TJP3: variants seen among roughly 807,000 people sequenced by gnomAD.
The protein encoded by TJP3 is tight junction protein ZO-3.
In TJP3, 85 loss-of-function variants were observed where a neutral mutation model predicts 104.2. The observed-to-expected ratio is 0.82, with a 90% confidence interval of 0.68 to 0.98. The LOEUF (loss-of-function observed/expected upper bound fraction) is 0.98, where lower values mean the gene tolerates loss of function less well. TJP3 is among the 50% of genes least tolerant of loss of function. The pLI is 0.00. For missense variants in TJP3, 1,367 were observed against 1,322.8 expected (o/e 1.03, Z -0.52); for synonymous variants, 550 against 550.6 (o/e 1.00, Z 0.02).
chr19:3,724,139 C>T (rs1477828612), intron 1 of TJP3, among the ~76,000 whole-genome samples: 1 of 152,052 alleles, frequency 6.6e-6, no homozygotes, highest in African/African-American at 2.4e-5. Flanking sequence ...GCCTGGACCA[C>T]CTGGACTCCC....
chr19:3,750,284 C>A (rs2036974889), intron 20 of TJP3, 100 bp downstream of exon 20: 2 of 1,517,614 alleles, frequency 1.3e-6, no homozygotes, highest in Non-Finnish European at 1.8e-6. Flanking sequence ...TCATGGTGCC[C>A]CTAGCCTAGT....
chr19:3,750,165 T>G lies in TJP3; in HGVS notation c.2638T>G (p.Trp880Gly), dbSNP rs1028719013. 10 of 1,613,684 alleles carry G rather than the reference T, an allele frequency of 6.2e-6. No homozygotes were observed. The highest frequency in any genetic ancestry group is 8.5e-6 in the Non-Finnish European group (10 of 1,179,962). ...QVDSRHPQGQ[W>G]RQDSMRTYER... ...GGACAGCCGCCACCCCCAGGGACAG[T>G]GGCGACAGGACAGCATGCGGTAAGA... Residue 880 changes from tryptophan to glycine, a missense_variant, in exon 20 of 21, where the codon TGG (tryptophan) becomes GGG (glycine). Transcript: ENST00000541714.
chr19:3,747,832 C>T lies in TJP3; in HGVS notation c.2361C>T (p.His787=). The T allele has an allele frequency of 6.2e-7, 1 of 1,608,074 alleles. No individual in the cohort carries two copies. The highest frequency in any genetic ancestry group is 8.5e-7 in the Non-Finnish European group (1 of 1,179,086). The change falls in exon 19 of 21, where the codon CAC becomes CAT. Residue 787 remains histidine, a synonymous_variant. Coordinates refer to ENST00000541714, the MANE Select transcript of TJP3 (RefSeq NM_001267560.2). ...GSLEDNLDLP[H]HGLADSSADL... ...TGGAGGACAACCTAGACCTCCCTCA[C>T]CACGGCCTGGCCGACAGCTCCGCTG...
chr19:3,708,705 C>G (rs540765072), intron 1 of TJP3, 144 bp downstream of exon 1: 2 of 152,304 alleles, frequency 1.3e-5, no homozygotes, highest in South Asian at 4.1e-4. Context: ...GAAACTGACA[C>G]TCCTGCGTGG....
intron 1 of TJP3, among the ~76,000 whole-genome samples, chr19:3,713,895 T>G (rs546406883): frequency 6.6e-6 from 1 of 150,584 alleles, no homozygotes; most frequent in Non-Finnish European, 1.5e-5. Context: ...TTTTTTTTTT[T>G]TTTGTATTTT....
chr19:3,738,071 G>A (rs184605735), intron 11 of TJP3, among the ~76,000 whole-genome samples: 1,180 of 73,744 alleles, frequency 0.016, 15 homozygotes, highest in African/African-American at 0.056. Context: ...GTCATGACCC[G>A]GAGAGCAGAT....
chr19:3,722,863 G>GA (rs2036556343), intron 1 of TJP3, among the ~76,000 whole-genome samples: 1 of 126,726 alleles, frequency 7.9e-6, no homozygotes, highest in African/African-American at 3.2e-5. Context: ...TGGCGGGGGG[G>GA]GGGGGCACAG....
intron 18 of TJP3, 137 bp downstream of exon 18, chr19:3,747,013 G>T (rs1599165084): frequency 1.3e-6 from 1 of 787,528 alleles, no homozygotes; most frequent in East Asian, 2.7e-5. Flanking sequence ...GATGGGACCT[G>T]AGACAAGGGT....
intron 11 of TJP3, among the ~76,000 whole-genome samples, chr19:3,737,727 G>C (rs188181393): frequency 6.6e-6 from 1 of 152,142 alleles, no homozygotes; most frequent in African/African-American, 2.4e-5. Flanking sequence ...AAGCCCACTG[G>C]CTGGGTGAAA....
At chr19:3,727,471 G>A (rs544179070) in intron 1 of TJP3, among the ~76,000 whole-genome samples, 8 of 116,048 alleles carry the variant, frequency 6.9e-5, no homozygotes, top group Admixed American at 2.9e-4. Flanking sequence ...CAACAAGAGC[G>A]AAACTCTGTC....
Position 3,728,598 on chromosome 19 carries a change from T to C in TJP3, c.49-6T>C. The C allele has an allele frequency of 6.2e-7, 1 of 1,611,256 alleles. No individual in the cohort carries two copies. Among genetic ancestry groups the C allele is most frequent in the Non-Finnish European group, 8.5e-7 (1 of 1,179,236 alleles). On this transcript the variant is annotated splice_region_variant and splice_polypyrimidine_tract_variant and intron_variant, in intron 2 of 20. Coordinates refer to ENST00000541714, the MANE Select transcript of TJP3 (RefSeq NM_001267560.2). ...GCAGCTCTTCCTTCCCCTCATCCTC[T>C]CTCAGGACCCCCGCCGGGGCTTTGG... is the stretch of plus-strand genomic sequence containing the variant.
rs964315392 is a variant in TJP3 at position 3,715,308 on chromosome 19, C to G, written c.-10+6747C>G. On this transcript the variant is annotated intron_variant, in intron 1 of 20. Coordinates refer to ENST00000541714, the MANE Select transcript of TJP3 (RefSeq NM_001267560.2). The stretch of plus-strand genomic sequence containing the variant: ...GTTTCACCGTGTTATCCAGGATGGT[C>G]TCGATCTCCTGACCTCGTGATCCGC... Among the ~76,000 whole-genome samples, 169 of 152,098 alleles carry G rather than the reference C, an allele frequency of 1.1e-3. 4 individuals carry two copies. Among genetic ancestry groups the G allele is most frequent in the Non-Finnish European group, 2.9e-4 (20 of 68,010 alleles).
rs983408364 is a variant in TJP3, at chr19:3,716,151, C to A, written c.-10+7590C>A. ...GCAGTGGCGCCATCTCAGATCACTG[C>A]GACCTCTGCCTCCCGGGTTCAAGTG... On this transcript the variant is annotated intron_variant, in intron 1 of 20. Coordinates refer to ENST00000541714, the MANE Select transcript of TJP3 (RefSeq NM_001267560.2). Among the ~76,000 whole-genome samples the A allele has an allele frequency of 3.4e-5, 5 of 147,960 alleles. 1 individual carries two copies. The highest frequency in any genetic ancestry group is 6.1e-5 in the Non-Finnish European group (4 of 65,934).
rs1285735928 is a variant in TJP3 at position 3,738,934 on chromosome 19, C to T, written c.1431C>T (p.Ser477=). 1.2e-6 allele frequency: 2 copies of T among 1,611,590 alleles called. No homozygotes were observed. Among genetic ancestry groups the T allele is most frequent in the South Asian group, 2.2e-5 (2 of 90,796 alleles). ...TGGTGCAGTCCCGCGTGGGTGACTC[C>T]TTCTACATCCGCACTCACTTTGAGC... The part of the protein sequence containing the change: ...WKMVQSRVGD[S]FYIRTHFELE... The change falls in exon 13 of 21, where the codon TCC becomes TCT. Residue 477 remains serine, a synonymous_variant. Transcript: ENST00000541714.
In TJP3 at chr19:3,746,680, A is replaced by C; in HGVS notation, c.2206A>C (p.Ser736Arg). ...AGCCCAGAAGCTGCGAAAACACAGC[A>C]GCCACCTCTTCACAGGTTGGGGGGT... ...AQAQKLRKHS[S>R]HLFTATIPLN... Residue 736 changes from serine to arginine, a missense_variant, in exon 17 of 21, where the codon AGC (serine) becomes CGC (arginine). By Grantham distance (110) the Ser-to-Arg change is moderately radical (BLOSUM62 -1). Transcript: ENST00000541714. This position sits in a 1 kb window ranked among gnomAD's most constrained non-coding sequence, Gnocchi z 4.1. The C allele has an allele frequency of 2.5e-6, 4 of 1,612,322 alleles. No individual in the cohort carries two copies. The African/African-American group carries it at 5.3e-5, about 21-fold the overall frequency.
At chr19:3,726,480 TC>T (rs1005265907) in intron 1 of TJP3, among the ~76,000 whole-genome samples, 33 of 152,130 alleles carry the variant, frequency 2.2e-4, no homozygotes, top group Admixed American at 2.1e-3. Flanking sequence ...ACACCTGTGA[TC>T]CCAGCTACTT....
At position 3,736,258 on chromosome 19, in the gene TJP3, C is replaced by A. The variant is rs373388797; in HGVS notation, c.1221C>A (p.Ser407=). ...AGGNDVGIFV[S]GVQAGSPADG... is the part of the protein sequence containing the mutation. Reference sequence around the variant, plus strand: ...GCAATGACGTGGGCATCTTCGTGTCCGGGGTGCAGGCGGGCAGCCCGGCCG... The same window carrying A: ...GCAATGACGTGGGCATCTTCGTGTCAGGGGTGCAGGCGGGCAGCCCGGCCG... Residue 407 remains serine, a synonymous_variant, in exon 11 of 21, where the codon TCC becomes TCA. Coordinates refer to ENST00000541714, the MANE Select transcript of TJP3 (RefSeq NM_001267560.2). The A allele has an allele frequency of 6.4e-7, 1 of 1,560,568 alleles. No homozygotes were observed. The highest frequency in any genetic ancestry group is 8.7e-7 in the Non-Finnish European group (1 of 1,154,640).
chr19:3,729,415 G>A (rs2036640084), intron 3 of TJP3, among the ~76,000 whole-genome samples: 2 of 152,152 alleles, frequency 1.3e-5, no homozygotes. Context: ...CAGACAGGAA[G>A]AGAGGGAAAG....
intron 1 of TJP3, among the ~76,000 whole-genome samples, chr19:3,716,672 C>T (rs1367590240): frequency 6.8e-6 from 1 of 146,608 alleles, no homozygotes; most frequent in South Asian, 2.3e-4. Context: ...GTCACCCAGG[C>T]TGGAGTGCAA....
Sources: allele counts gnomAD v4.1 joint callset (sites outside exome capture counted in the v4.1 genomes callset), GRCh38; gene constraint gnomAD v4.1.1; non-coding constraint Gnocchi (gnomAD v3.1); transcripts MANE v1.5; gene names NCBI Gene and HGNC (gene_info 2026-07-23, HGNC 2026-07-21).